Variants in MEIOC observed in about 807,000 individuals in gnomAD.
The protein encoded by MEIOC is meiosis specific with coiled-coil domain.
Under a neutral mutation model 85.3 loss-of-function variants are expected in MEIOC, and 9 were observed. The observed-to-expected ratio is 0.11, with a 90% CI of 0.06 to 0.18. The LOEUF (loss-of-function observed/expected upper bound fraction) is 0.18. Ranked by LOEUF, MEIOC falls within the 10% of genes least tolerant of loss-of-function variation. The probability of loss-of-function intolerance (pLI) is 1.00; values close to 1 mark genes in which losing one functional copy is unlikely to be tolerated. For missense variants in MEIOC, 898 were observed against 1,129.4 expected (o/e 0.80, Z 2.94); for synonymous variants, 365 against 393.7 (o/e 0.93, Z 0.86).
Position 44,669,394 on chromosome 17 carries a change from C to T in MEIOC, c.2334C>T (p.Ala778=), listed in dbSNP as rs1371806949. The T allele has an allele frequency of 8.3e-6, 13 of 1,570,070 alleles. No homozygotes were observed. Among genetic ancestry groups the T allele is most frequent in the Non-Finnish European group, 9.5e-6 (11 of 1,156,500 alleles). Residue 778 remains alanine, a synonymous_variant, in exon 6 of 8, where the codon GCC becomes GCT. Coordinates refer to ENST00000409122, the MANE Select transcript of MEIOC (RefSeq NM_001145080.3). ...GTAATTTTTTACAGACTGAATTAGC[C>T]CTTGCCAAGAATTATCCTGGAAAAA... ...LEKERKKTEL[A]LAKNYPGKKV...
chr17:44,667,620 A>G lies in MEIOC; in HGVS notation c.1709A>G (p.Glu570Gly). 1.2e-6 allele frequency: 2 copies of G among 1,613,232 alleles called. No homozygotes were observed. Among genetic ancestry groups the G allele is most frequent in the Non-Finnish European group, 1.7e-6 (2 of 1,179,590 alleles). Residue 570 changes from glutamate to glycine, a missense_variant, in exon 5 of 8, where the codon GAA becomes GGA. Coordinates refer to ENST00000409122, the MANE Select transcript of MEIOC (RefSeq NM_001145080.3). ...ATAGAAGGACTAACAAAGCCTGGAGAAGAAAATCTCTTCAAATTGGTTACG... is the reference window on the plus strand; with the variant it reads ...ATAGAAGGACTAACAAAGCCTGGAGGAGAAAATCTCTTCAAATTGGTTACG... ...NHIEGLTKPG[E>G]ENLFKLVTDK...
At chr17:44,660,682 A>G (rs1257525622) in intron 2 of MEIOC, among the ~76,000 whole-genome samples, 1 of 152,192 alleles carries the variant, frequency 6.6e-6, no homozygotes, top group Admixed American at 6.5e-5. Flanking sequence ...GTCTTCTTTA[A>G]GGAAGCATTT....
rs1971755616 is a variant in MEIOC, at chr17:44,656,490, G to A, written c.-124G>A. On this transcript the variant is annotated 5_prime_UTR_variant, in exon 1 of 8. Coordinates refer to ENST00000409122, the MANE Select transcript of MEIOC (RefSeq NM_001145080.3). ...CGCACACTGGCTCCAGGCAGCGCCC[G>A]GGCGGCGGAGGCGGCTGCGGAGACG... 1.4e-6 allele frequency: 1 copy of A among 727,052 alleles called. No individual in the cohort carries two copies. The highest frequency in any genetic ancestry group is 3.2e-5 in the South Asian group (1 of 30,872). The allele number at this position is 727,052 out of a possible 1,614,324, so 45.0% of individuals were successfully genotyped here.
At position 44,674,280 on chromosome 17, in the gene MEIOC, T is replaced by C; in HGVS notation, c.*84T>C. The C allele has an allele frequency of 6.9e-7, 1 of 1,459,104 alleles. No individual in the cohort carries two copies. The highest frequency in any genetic ancestry group is 2.6e-5 in the Admixed American group (1 of 38,160). The allele number at this position is 1,459,104 out of a possible 1,614,324, so 90.4% of individuals were successfully genotyped here. A position where few individuals can be genotyped will look rare whatever the true frequency, so the allele number is the denominator to read the frequency against. ...ATGTTTTAATGAACTTGTCAAACTT[T>C]CAGTATGTTTTCTTTCAGATTTAAA... On this transcript the variant is annotated 3_prime_UTR_variant, in exon 8 of 8. Transcript: ENST00000409122.
intron 3 of MEIOC, 31 bp downstream of exon 3, chr17:44,662,502 G>A: frequency 1.4e-6 from 2 of 1,423,792 alleles, no homozygotes; most frequent in Non-Finnish European, 9.4e-7. Flanking sequence ...AGGTAATTGA[G>A]GTATTTTTAA....
In MEIOC at chr17:44,674,544, T is replaced by C; in HGVS notation, c.*348T>C. On this transcript the variant is annotated 3_prime_UTR_variant, in exon 8 of 8. Coordinates refer to ENST00000409122, the MANE Select transcript of MEIOC (RefSeq NM_001145080.3). ...TTCTAGGAGATAAATTTCATTTAGGTTTGTCTTAGTTAAGTATAATTCCAA... is the reference window on the plus strand; with the variant it reads ...TTCTAGGAGATAAATTTCATTTAGGCTTGTCTTAGTTAAGTATAATTCCAA... 22 of 1,020,246 alleles carry C rather than the reference T, an allele frequency of 2.2e-5. No homozygotes were observed. Among genetic ancestry groups the C allele is most frequent in the Non-Finnish European group, 2.5e-5 (21 of 850,182 alleles). 63.2% of individuals were successfully genotyped at this position (1,020,246 alleles called of 1,614,324 possible).
rs1274750743 is a variant in MEIOC at position 44,657,240 on chromosome 17, C to T, written c.183C>T (p.Phe61=). 6.4e-7 allele frequency: 1 copy of T among 1,552,058 alleles called. No individual in the cohort carries two copies. Among genetic ancestry groups the T allele is most frequent in the Non-Finnish European group, 8.7e-7 (1 of 1,146,948 alleles). ...GSVMLTGSAS[F]YDCYTSQSED... ...TGATGTTGACTGGCTCCGCTTCCTTCTACGATTGCTACACATCGCAGGTCC... is the reference window on the plus strand; with the variant it reads ...TGATGTTGACTGGCTCCGCTTCCTTTTACGATTGCTACACATCGCAGGTCC... Residue 61 remains phenylalanine, a synonymous_variant, in exon 2 of 8, where the codon TTC becomes TTT. Coordinates refer to ENST00000409122, the MANE Select transcript of MEIOC (RefSeq NM_001145080.3).
chr17:44,671,861 G>A (rs1221431595), intron 6 of MEIOC, among the ~76,000 whole-genome samples: 2 of 150,660 alleles, frequency 1.3e-5, no homozygotes, highest in South Asian at 2.1e-4. Flanking sequence ...AGCCGAGATC[G>A]CGCCACTGCA....
rs946801151 is a variant in MEIOC at position 44,656,515 on chromosome 17, G to A, written c.-99G>A. On this transcript the variant is annotated 5_prime_UTR_variant, in exon 1 of 8. Coordinates refer to ENST00000409122, the MANE Select transcript of MEIOC (RefSeq NM_001145080.3). ...GGGCGGCGGAGGCGGCTGCGGAGAC[G>A]GCGGGGTGCGGGCTGAGGGAGCCGG... 3.9e-6 allele frequency: 4 copies of A among 1,018,592 alleles called. No homozygotes were observed. The highest frequency in any genetic ancestry group is 5.3e-6 in the Non-Finnish European group (4 of 757,908). The allele number at this position is 1,018,592 out of a possible 1,614,324, so 63.1% of individuals were successfully genotyped here.
intron 2 of MEIOC, among the ~76,000 whole-genome samples, chr17:44,662,078 G>A (rs748012071): frequency 2.9e-4 from 44 of 152,278 alleles, no homozygotes; most frequent in Admixed American, 9.8e-4. Context: ...CAGCATTAGA[G>A]TTGAAGAGTT....
In MEIOC at chr17:44,667,684, C is replaced by T. The variant is rs1247764824; in HGVS notation, c.1773C>T (p.Asn591=). 6.2e-7 allele frequency: 1 copy of T among 1,613,240 alleles called. No homozygotes were observed. The highest frequency in any genetic ancestry group is 8.5e-7 in the Non-Finnish European group (1 of 1,179,566). ...KIKQPNGFCD[N]YSAQKYGIIE... The stretch of plus-strand genomic sequence containing the variant: ...AGCAGCCAAATGGATTTTGTGATAA[C>T]TATTCAGCTCAGAAGTATGGGATAA... Residue 591 remains asparagine, a synonymous_variant, in exon 5 of 8, where the codon AAC becomes AAT. Transcript: ENST00000409122.
At position 44,675,741 on chromosome 17, in the gene MEIOC, A is replaced by C. The variant is rs1972067567; in HGVS notation, c.*1545A>C. 1.0e-6 allele frequency: 1 copy of C among 969,916 alleles called. No individual in the cohort carries two copies. Among genetic ancestry groups the C allele is most frequent in the African/African-American group, 1.8e-5 (1 of 56,906 alleles). 60.1% of individuals were successfully genotyped at this position (969,916 alleles called of 1,614,324 possible). A position where few individuals can be genotyped will look rare whatever the true frequency, so the allele number is the denominator to read the frequency against. ...TAACATAAGACATGTTGGATGTTAT[A>C]AAAACAAATACTGTACTGAATTTAG... On this transcript the variant is annotated 3_prime_UTR_variant, in exon 8 of 8. Coordinates refer to ENST00000409122, the MANE Select transcript of MEIOC (RefSeq NM_001145080.3).
chr17:44,667,045 T>C lies in MEIOC; in HGVS notation c.1134T>C (p.Asn378=), dbSNP rs776619348. 1 of 1,613,466 alleles carries C rather than the reference T, an allele frequency of 6.2e-7. No homozygotes were observed. Among genetic ancestry groups the C allele is most frequent in the Admixed American group, 1.7e-5 (1 of 59,848 alleles). The change falls in exon 5 of 8, where the codon AAT becomes AAC. Residue 378 remains asparagine, a synonymous_variant. Coordinates refer to ENST00000409122, the MANE Select transcript of MEIOC (RefSeq NM_001145080.3). Reference sequence around the variant, plus strand: ...AGTTATTTCAGGTTAAGCCAGCGAATCAGAAAAAAATGGAGGAGACAATCC... The same window carrying C: ...AGTTATTTCAGGTTAAGCCAGCGAACCAGAAAAAAATGGAGGAGACAATCC... The part of the protein sequence containing the change: ...YTKLFQVKPA[N]QKKMEETIPD...
rs1972047754 is a variant in MEIOC, at chr17:44,674,350, C to A, written c.*154C>A. 1.4e-6 allele frequency: 2 copies of A among 1,410,122 alleles called. No homozygotes were observed. Among genetic ancestry groups the A allele is most frequent in the African/African-American group, 2.9e-5 (2 of 69,454 alleles). The allele number at this position is 1,410,122 out of a possible 1,614,324, so 87.4% of individuals were successfully genotyped here. On this transcript the variant is annotated 3_prime_UTR_variant, in exon 8 of 8. Coordinates refer to ENST00000409122, the MANE Select transcript of MEIOC (RefSeq NM_001145080.3). Reference sequence around the variant, plus strand: ...TGAAGTCTAACTTCTATTTAAAAATCTTCTATTTGAAGTGAATCCGATATA... The same window carrying A: ...TGAAGTCTAACTTCTATTTAAAAATATTCTATTTGAAGTGAATCCGATATA...
rs778910581 is a variant in MEIOC at position 44,668,249 on chromosome 17, C to G, written c.2322+16C>G. 1.3e-6 allele frequency: 2 copies of G among 1,575,900 alleles called. No individual in the cohort carries two copies. Among genetic ancestry groups the G allele is most frequent in the Non-Finnish European group, 1.7e-6 (2 of 1,163,506 alleles). ...GAGAAAAAAGGTAACACAAAGTTAA[C>G]CACTTAGGAATAACAGTATGTTCCT... On this transcript the variant is annotated intron_variant, in intron 5 of 7. Coordinates refer to ENST00000409122, the MANE Select transcript of MEIOC (RefSeq NM_001145080.3).
intron 4 of MEIOC, 77 bp downstream of exon 4, chr17:44,665,565 A>G: frequency 1.7e-6 from 1 of 600,294 alleles, no homozygotes. Context: ...ATTAACTTTT[A>G]TTTTTACTTA....
chr17:44,666,131 A>C, intron 4 of MEIOC, among the ~76,000 whole-genome samples: 1 of 152,190 alleles, frequency 6.6e-6, no homozygotes, highest in Non-Finnish European at 1.5e-5. Flanking sequence ...ATTAGGCCTT[A>C]GTTATTGTCT....
chr17:44,667,464 C>T lies in MEIOC; in HGVS notation c.1553C>T (p.Pro518Leu), dbSNP rs1314219843. Reference sequence around the variant, plus strand: ...GGTTCTAACCATTCTTCAGATTTCCCCCAACTATCATCCACAAACTTAACC... The same window carrying T: ...GGTTCTAACCATTCTTCAGATTTCCTCCAACTATCATCCACAAACTTAACC... ...SKGSNHSSDF[P>L]QLSSTNLTPN... Residue 518 changes from proline to leucine, a missense_variant, in exon 5 of 8, where the codon CCC becomes CTC. By Grantham distance (98) the Pro-to-Leu change is moderately conservative. This residue lies in a region of MEIOC where 734 missense variants were observed against 860.1 expected (regional missense o/e 0.85). Coordinates refer to ENST00000409122, the MANE Select transcript of MEIOC (RefSeq NM_001145080.3). 1 of 1,613,500 alleles carries T rather than the reference C, an allele frequency of 6.2e-7. No individual in the cohort carries two copies. Among genetic ancestry groups the T allele is most frequent in the Non-Finnish European group, 8.5e-7 (1 of 1,179,776 alleles).
chr17:44,662,028 CA>C (rs1175925290), intron 2 of MEIOC, among the ~76,000 whole-genome samples: 2 of 152,144 alleles, frequency 1.3e-5, no homozygotes, highest in African/African-American at 4.8e-5. Context: ...GCAATGCAGC[CA>C]AACCCATTTG....
Sources: gnomAD v4.1 joint callset for allele counts (sites outside exome capture counted in the v4.1 genomes callset) on GRCh38, gnomAD v4.1.1 for gene constraint, gnomAD v4.1.1 regional missense constraint, MANE v1.5 for transcripts, NCBI Gene and HGNC (gene_info 2026-07-23, HGNC 2026-07-21) for gene names.